The following C4orf50 variants were observed in gnomAD, a reference collection of about 807,000 sequenced individuals.
C4orf50 encodes chromosome 4 open reading frame 50.
In C4orf50, 80 loss-of-function variants were observed where a neutral mutation model predicts 77.2. That is an observed-to-expected ratio of 1.04 (90% CI 0.87 to 1.25). The LOEUF (loss-of-function observed/expected upper bound fraction) is 1.25, where lower values mean the gene tolerates loss of function less well. Among genes scored for constraint, C4orf50 ranks in the 50% most tolerant of loss-of-function variants. C4orf50 has a pLI of 0.00. For synonymous variants in C4orf50, 532 were observed against 465.3 expected (o/e 1.14, Z -1.84); for missense variants, 1,257 against 1,152.9 (o/e 1.09, Z -1.31).
intron 33 of C4orf50, among the ~76,000 whole-genome samples, chr4:5,963,589 T>C (rs543485312): frequency 3.9e-5 from 6 of 152,292 alleles, no homozygotes; most frequent in African/African-American, 1.4e-4. Flanking sequence ...ATCTTTTAGA[T>C]AAAATAAATT....
At position 5,901,927 on chromosome 4, in the gene C4orf50, G is replaced by C. The variant is rs1364884998; in HGVS notation, c.*2475-3739C>G. On this transcript the variant is annotated intron_variant, in intron 7 of 7. Coordinates refer to the C4orf50 transcript ENST00000324058. The surrounding 1 kb of genome is among the most constrained non-coding windows in gnomAD (Gnocchi z 4.4). ...TAAAGCCAAGGCCCTTGGAAAGGCAGCTCAGAAGAGGCCCTTAATGAGTAC... is the reference window on the plus strand; with the variant it reads ...TAAAGCCAAGGCCCTTGGAAAGGCACCTCAGAAGAGGCCCTTAATGAGTAC... The C allele has an allele frequency of 6.6e-6, 1 of 152,276 alleles. No homozygotes were observed. The highest frequency in any genetic ancestry group is 1.5e-5 in the Non-Finnish European group (1 of 68,094). 9.4% of individuals were successfully genotyped at this position (152,276 alleles called of 1,614,324 possible).
chr4:5,956,688 A>T (rs1461903875), downstream of C4orf50: 1 of 152,250 alleles, frequency 6.6e-6, no homozygotes, highest in Non-Finnish European at 1.5e-5. Context: ...GCAGTGGCGG[A>T]GGGGTGCATT....
At chr4:5,899,799 A>G (rs138330787) in intron 7 of C4orf50, 10 of 152,330 alleles carry the variant, frequency 6.6e-5, no homozygotes, top group Admixed American at 2.6e-4. Context: ...CCCACCCAAT[A>G]CAACTTGATT....
intron 28 of C4orf50, among the ~76,000 whole-genome samples, chr4:5,981,183 T>C (rs894254682): frequency 3.3e-5 from 5 of 152,202 alleles, no homozygotes; most frequent in Non-Finnish European, 7.3e-5. Flanking sequence ...CTTAACACCG[T>C]GTTCTGGGCG....
chr4:5,978,212 G>A (rs189313627), intron 29 of C4orf50, among the ~76,000 whole-genome samples: 11 of 152,278 alleles, frequency 7.2e-5, no homozygotes. Context: ...CTACACTGCT[G>A]GTGAGAACAT....
At position 5,990,210 on chromosome 4, in the gene C4orf50, G is replaced by A. The variant is rs73795137; in HGVS notation, c.1836C>T (p.Ala612=). ...GCCAGGACCCAGGGCGGCAGGTGGC[G>A]GCCTTAGTCTCTGAAGCCCCATTCT... Residue 612 remains alanine, a synonymous_variant, in exon 28 of 34, where the codon GCC becomes GCT. Transcript: ENST00000531445. The A allele has an allele frequency of 0.012, 14,811 of 1,244,536 alleles. 512 individuals carry two copies. The African/African-American group carries it at 0.12, about 10-fold the overall frequency. The allele number at this position is 1,244,536 out of a possible 1,614,324, so 77.1% of individuals were successfully genotyped here.
intron 7 of C4orf50, among the ~76,000 whole-genome samples, chr4:5,934,444 C>T (rs184320041): frequency 2.7e-4 from 41 of 152,290 alleles, no homozygotes; most frequent in African/African-American, 9.1e-4. Context: ...GCTTGTCATC[C>T]CTGCAGGAGA....
In C4orf50 at chr4:5,901,689, A is replaced by G. The variant is rs1260316954; in HGVS notation, c.*2475-3501T>C. The G allele has an allele frequency of 6.6e-6, 1 of 152,188 alleles. No homozygotes were observed. The highest frequency in any genetic ancestry group is 1.5e-5 in the Non-Finnish European group (1 of 68,046). The allele number at this position is 152,188 out of a possible 1,614,324, so 9.4% of individuals were successfully genotyped here. A position where few individuals can be genotyped will look rare whatever the true frequency, so the allele number is the denominator to read the frequency against. On this transcript the variant is annotated intron_variant, in intron 7 of 7. Transcript: ENST00000324058. This position sits in a 1 kb window ranked among gnomAD's most constrained non-coding sequence, Gnocchi z 4.4. ...CACAGGGTGTCCTGTGTGCAGTGGG[A>G]TGGACTGTTCACCCCAGGAGTGCTC...
intron 30 of C4orf50, among the ~76,000 whole-genome samples, chr4:5,975,643 A>T (rs1279478533): frequency 6.6e-6 from 1 of 151,806 alleles, no homozygotes; most frequent in Non-Finnish European, 1.5e-5. Flanking sequence ...CTCCCAAGTA[A>T]CTGGGACTAT....
At position 5,944,815 on chromosome 4, in the gene C4orf50, C is replaced by T. The variant is rs187278689; in HGVS notation, c.*2474+12086G>A. On this transcript the variant is annotated intron_variant, in intron 7 of 7. Transcript: ENST00000324058. ...AAGCTGGCAGTTCAGAGGCCTGGGG[C>T]GGAGGGGTCTGGGAAGACTTCCCCG... 7.8e-3 allele frequency among the ~76,000 whole-genome samples: 1,189 copies of T among 152,120 alleles called. 21 individuals are homozygous for T. The highest frequency in any genetic ancestry group is 0.026 in the African/African-American group (1,092 of 41,500).
chr4:5,899,193 C>T (rs1716246612), intron 7 of C4orf50: 2 of 152,208 alleles, frequency 1.3e-5, no homozygotes, highest in Non-Finnish European at 2.9e-5. Context: ...TAATTTATTT[C>T]AAAGCTAGGT....
rs919626858 is a variant in C4orf50 at position 5,925,011 on chromosome 4, G to C, written c.*2475-26823C>G. On this transcript the variant is annotated intron_variant, in intron 7 of 7. Coordinates refer to the C4orf50 transcript ENST00000324058. ...CTGGCCAGGAAGGGGAGTGGGAGAG[G>C]TTTGGGGGGTGGGGCAGGAGGTTCG... Among the ~76,000 whole-genome samples, 51 of 152,070 alleles carry C rather than the reference G, an allele frequency of 3.4e-4. 1 individual carries two copies. The highest frequency in any genetic ancestry group is 9.6e-4 in the African/African-American group (40 of 41,498).
chr4:5,988,696 C>G (rs1721028494), exon 28 of C4orf50: 1 of 1,535,974 alleles, frequency 6.5e-7, no homozygotes, highest in Non-Finnish European at 8.7e-7. Flanking sequence ...GTGCTCCCTT[C>G]CCCTCACCAA....
At chr4:5,914,746 A>G (rs978012058) in intron 7 of C4orf50, among the ~76,000 whole-genome samples, 1 of 152,192 alleles carries the variant, frequency 6.6e-6, no homozygotes, top group Non-Finnish European at 1.5e-5. Flanking sequence ...CATTAAAGTT[A>G]TTTGTACTTG....
At chr4:5,981,878 A>G (rs1006108354) in intron 28 of C4orf50, among the ~76,000 whole-genome samples, 1 of 151,886 alleles carries the variant, frequency 6.6e-6, no homozygotes, top group Admixed American at 6.6e-5. Flanking sequence ...TTCCCTGGGA[A>G]TTGTAAGGCC....
intron 23 of C4orf50, among the ~76,000 whole-genome samples, chr4:6,013,069 A>G (rs1315235329): frequency 1.3e-5 from 2 of 152,224 alleles, no homozygotes; most frequent in Non-Finnish European, 2.9e-5. Context: ...GTTCAGCACT[A>G]TGACCCTCAG....
downstream of C4orf50, chr4:5,956,637 C>G (rs370378845): frequency 7.7e-5 from 6 of 78,096 alleles, no homozygotes; most frequent in African/African-American, 2.8e-4. Context: ...AGCCAACCCT[C>G]TCCTCTGATT....
intron 28 of C4orf50, among the ~76,000 whole-genome samples, chr4:5,981,258 C>T (rs1010966455): frequency 5.3e-5 from 8 of 152,016 alleles, no homozygotes; most frequent in African/African-American, 1.5e-4. Context: ...CTCCTGTGGC[C>T]GTGCTGAACA....
chr4:5,990,199 C>T (rs147789151), exon 28 of C4orf50: 62 of 1,245,326 alleles, frequency 5.0e-5, no homozygotes, highest in African/African-American at 4.5e-4. Context: ...GGACCCAGGG[C>T]GGCAGGTGGC....
Sources: gnomAD v4.1 joint callset for allele counts (sites outside exome capture counted in the v4.1 genomes callset) on GRCh38, gnomAD v4.1.1 for gene constraint, Gnocchi (gnomAD v3.1) non-coding constraint, MANE v1.5 for transcripts, NCBI Gene and HGNC (gene_info 2026-07-23, HGNC 2026-07-21) for gene names.